NPRL3: variants seen among roughly 807,000 people sequenced by gnomAD.
NPRL3 encodes the protein NPR3 like, GATOR1 complex subunit, also known as GATOR1 complex protein NPRL3.
A neutral mutation model predicts 57.2 loss-of-function variants in NPRL3; 23 were observed. That is an observed-to-expected ratio of 0.40 (90% CI 0.29 to 0.57). The LOEUF is 0.57. Ranked by LOEUF, NPRL3 falls within the 20% of genes least tolerant of loss-of-function variation. NPRL3 has a pLI of 0.42. For synonymous variants in NPRL3, 333 were observed against 321.1 expected (o/e 1.04, Z -0.39); for missense variants, 691 against 767.1 (o/e 0.90, Z 1.17).
At chr16:129,069 T>C (rs1039563076) in intron 3 of NPRL3, among the ~76,000 whole-genome samples, 27 of 152,206 alleles carry the variant, frequency 1.8e-4, no homozygotes, top group African/African-American at 6.5e-4. Context: ...TTACGTTAAA[T>C]ATTAAATTAA....
At chr16:96,963 T>TAAG (rs71139747) in intron 9 of NPRL3, among the ~76,000 whole-genome samples, 135,442 of 152,058 alleles carry the variant, frequency 0.89, 60,391 homozygotes, top group African/African-American at 0.93. Context: ...CCTAACGTGC[T>TAAG]AAGCAGAGAC....
chr16:118,881 C>T (rs1335474664), intron 4 of NPRL3, among the ~76,000 whole-genome samples: 1 of 151,392 alleles, frequency 6.6e-6, no homozygotes, highest in Admixed American at 6.6e-5. Flanking sequence ...CCAGGGGAAG[C>T]CACACCTGCC....
chr16:131,654 C>T lies in NPRL3; in HGVS notation c.119-1063G>A, dbSNP rs188083645. Among the ~76,000 whole-genome samples the T allele has an allele frequency of 2.5e-4, 36 of 144,268 alleles. No homozygotes were observed. In the East Asian group the frequency reaches 3.0e-3, roughly 12 times the overall value. The allele number at this position is 144,268 out of a possible 152,430, so 94.6% of individuals were successfully genotyped here. ...TCAGCTCAGCCTTCAGCAAAACAAT[C>T]GTTTTGCTGGAGAAAGGTATTGCCT... On this transcript the variant is annotated intron_variant, in intron 2 of 13. Transcript: ENST00000611875.
At chr16:88,995 A>G (rs1898635043) in intron 12 of NPRL3, 105 bp from the exon 13 acceptor site, 1 of 1,025,324 alleles carries the variant, frequency 9.8e-7, no homozygotes, top group Non-Finnish European at 1.5e-6. Context: ...CCTAACTCCT[A>G]CAAGGGTTAG....
intron 3 of NPRL3, among the ~76,000 whole-genome samples, chr16:128,787 A>G (rs1900659775): frequency 6.6e-6 from 1 of 151,926 alleles, no homozygotes; most frequent in Non-Finnish European, 1.5e-5. Flanking sequence ...AAAATCAAAG[A>G]CACAGAGAGT....
At chr16:93,543 C>A (rs1457916689) in intron 9 of NPRL3, among the ~76,000 whole-genome samples, 1 of 151,486 alleles carries the variant, frequency 6.6e-6, no homozygotes, top group Non-Finnish European at 1.5e-5. Flanking sequence ...AGCCAGCACA[C>A]AGCACTTTCT....
chr16:89,396 C>T (rs894410405), intron 12 of NPRL3: 3 of 343,054 alleles, frequency 8.7e-6, no homozygotes, highest in Admixed American at 4.6e-5. Flanking sequence ...GAGGTGTCAG[C>T]TGTCCTGGTA....
At chr16:87,199 C>T (rs770748735) in intron 13 of NPRL3, among the ~76,000 whole-genome samples, 2 of 152,072 alleles carry the variant, frequency 1.3e-5, no homozygotes, top group Non-Finnish European at 2.9e-5. Context: ...CAGTGAGTCC[C>T]ACGTAGCTCT....
intron 7 of NPRL3, among the ~76,000 whole-genome samples, chr16:110,182 T>C (rs550096060): frequency 1.1e-4 from 17 of 151,952 alleles, no homozygotes; most frequent in Non-Finnish European, 2.1e-4. Context: ...GGCAGGAGAA[T>C]CTCTTAAACC....
At position 101,560 on chromosome 16, in the gene NPRL3, C is replaced by T. The variant is rs544858939; in HGVS notation, c.630-1051G>A. 1.4e-4 allele frequency among the ~76,000 whole-genome samples: 21 copies of T among 152,342 alleles called. 1 individual carries two copies. Among genetic ancestry groups the T allele is most frequent in the African/African-American group, 4.6e-4 (19 of 41,588 alleles). On this transcript the variant is annotated intron_variant, in intron 7 of 13. Transcript: ENST00000611875. The stretch of plus-strand genomic sequence containing the variant: ...GTTTCCTTATTTCTTTCACAGTCCA[C>T]TTTAAACCATCAGCAAATCCCATCT...
rs7195785 is a variant in NPRL3 at position 99,395 on chromosome 16, A to G, written c.767+977T>C. 4.3e-3 allele frequency among the ~76,000 whole-genome samples: 658 copies of G among 152,296 alleles called. 7 individuals carry two copies. The highest frequency in any genetic ancestry group is 0.015 in the African/African-American group (610 of 41,558). On this transcript the variant is annotated intron_variant, in intron 8 of 13. Transcript: ENST00000611875. The stretch of plus-strand genomic sequence containing the variant: ...GCATGGTGGCTAACACCTGTAACCC[A>G]GCACTTTGGCAGGCCGAGGCGGGTG...
chr16:115,299 G>T (rs1191779971), intron 5 of NPRL3, among the ~76,000 whole-genome samples: 1 of 151,652 alleles, frequency 6.6e-6, no homozygotes, highest in Non-Finnish European at 1.5e-5. Context: ...TAAAAAGAAA[G>T]AATATATATT....
intron 3 of NPRL3, among the ~76,000 whole-genome samples, chr16:121,995 G>C (rs374308819): frequency 2.0e-5 from 3 of 152,012 alleles, no homozygotes; most frequent in Non-Finnish European, 2.9e-5. Context: ...GGCTGGTCTC[G>C]AACTCCTGAC....
chr16:127,897 C>T (rs113357211), intron 3 of NPRL3, among the ~76,000 whole-genome samples: 21 of 152,174 alleles, frequency 1.4e-4, no homozygotes, highest in Non-Finnish European at 2.2e-4. Flanking sequence ...CCTCATGATC[C>T]GCCCGCCTTG....
intron 5 of NPRL3, among the ~76,000 whole-genome samples, chr16:116,179 A>G (rs1291864711): frequency 6.6e-6 from 1 of 151,708 alleles, no homozygotes; most frequent in Non-Finnish European, 1.5e-5. Flanking sequence ...TCCTGCAAAC[A>G]CTGTTCCCCG....
chr16:122,743 G>C (rs528299461), intron 3 of NPRL3, among the ~76,000 whole-genome samples: 1 of 152,288 alleles, frequency 6.6e-6, no homozygotes, highest in African/African-American at 2.4e-5. Flanking sequence ...AGTAGGGTTT[G>C]CTCTCTAGCT....
At position 85,395 on chromosome 16, in the gene NPRL3, C is replaced by G. The variant is rs1898402989; in HGVS notation, c.*1310G>C. ...AGGCTCCACTTCCAAACTGTCCGTC[C>G]CACAGGGGACGGGGCTTGCGTCTTG... On this transcript the variant is annotated 3_prime_UTR_variant, in exon 14 of 14. Coordinates refer to ENST00000611875, the MANE Select transcript of NPRL3 (RefSeq NM_001077350.3). 1 of 1,597,732 alleles carries G rather than the reference C, an allele frequency of 6.3e-7. No individual in the cohort carries two copies. The highest frequency in any genetic ancestry group is 2.0e-4 in the Middle Eastern group (1 of 5,060).
intron 2 of NPRL3, among the ~76,000 whole-genome samples, chr16:137,681 C>T (rs762846503): frequency 6.6e-6 from 1 of 151,892 alleles, no homozygotes; most frequent in South Asian, 2.1e-4. Flanking sequence ...TCCCAAGTAG[C>T]TAGGATTATG....
intron 5 of NPRL3, among the ~76,000 whole-genome samples, chr16:116,346 C>T (rs907667662): frequency 3.9e-5 from 6 of 152,014 alleles, no homozygotes; most frequent in East Asian, 1.9e-4. Context: ...TTCTTTGTGG[C>T]GCTTTATATT....
Sources: gnomAD v4.1 joint callset for allele counts (sites outside exome capture counted in the v4.1 genomes callset) on GRCh38, gnomAD v4.1.1 for gene constraint, MANE v1.5 for transcripts, NCBI Gene and HGNC (gene_info 2026-07-23, HGNC 2026-07-21) for gene names.